The following CDC25B variants were observed in gnomAD, a reference collection of about 807,000 sequenced individuals.
The protein encoded by CDC25B is cell division cycle 25B.
Under a neutral mutation model 69.8 loss-of-function variants are expected in CDC25B, and 33 were observed. That is an observed-to-expected ratio of 0.47 (90% CI 0.36 to 0.63). The LOEUF (loss-of-function observed/expected upper bound fraction) is 0.63, where lower values mean the gene tolerates loss of function less well. Ranked by LOEUF, CDC25B falls within the 30% of genes least tolerant of loss-of-function variation. CDC25B has a pLI of 0.00. For missense variants in CDC25B, 727 were observed against 809.1 expected (o/e 0.90, Z 1.23); for synonymous variants, 341 against 314.6 (o/e 1.08, Z -0.89).
At chr20:3,795,883 T>C, upstream of CDC25B, 1 of 985,564 alleles carries the variant, frequency 1.0e-6, no homozygotes, top group Non-Finnish European at 1.2e-6. Flanking sequence ...CGTCCAGGTC[T>C]GTAAAATGGG....
chr20:3,796,238 T>C (rs1457937750), upstream of CDC25B: 1 of 1,196,364 alleles, frequency 8.4e-7, no homozygotes, highest in Non-Finnish European at 1.0e-6. Flanking sequence ...CGCTACCCCA[T>C]TGGTGGCGTC....
intron 1 of CDC25B, among the ~76,000 whole-genome samples, chr20:3,789,046 C>T (rs2088871275): frequency 6.6e-6 from 1 of 152,196 alleles, no homozygotes; most frequent in African/African-American, 2.4e-5. Context: ...GTGCACGGGG[C>T]CCATTTCCAT....
At chr20:3,801,412 C>G in intron 8 of CDC25B, 24 bp downstream of exon 8, 1 of 1,574,796 alleles carries the variant, frequency 6.4e-7, no homozygotes, top group Non-Finnish European at 8.6e-7. Flanking sequence ...TCCCACCAGG[C>G]CCCTACCTTC....
chr20:3,798,519 C>A, intron 3 of CDC25B, 56 bp downstream of exon 3: 1 of 1,359,196 alleles, frequency 7.4e-7, no homozygotes, highest in South Asian at 1.3e-5. Flanking sequence ...CTTTAAGAAT[C>A]CTAGTTCTAC....
chr20:3,800,673 T>C (rs1037966855), intron 5 of CDC25B, 70 bp from the exon 6 acceptor site: 3 of 1,598,804 alleles, frequency 1.9e-6, no homozygotes, highest in South Asian at 1.1e-5. Context: ...GTGGAGAAGG[T>C]AGGGCCTGGG....
chr20:3,798,550 C>T, intron 3 of CDC25B, 87 bp downstream of exon 3: 2 of 1,120,932 alleles, frequency 1.8e-6, no homozygotes. Context: ...CCCGGGAGGC[C>T]TGGGAAAGCA....
Position 3,796,479 on chromosome 20 carries a change from G to A in CDC25B, c.-53G>A, listed in dbSNP as rs1444541133. On this transcript the variant is annotated 5_prime_UTR_variant, in exon 1 of 16. Coordinates refer to ENST00000245960, the MANE Select transcript of CDC25B (RefSeq NM_021873.4). ...GGCCCAGCCAGCTGTGCCGGCGTTT[G>A]TTGGCTGCCCTGCGCCCGGCCCTCC... 5.5e-6 allele frequency: 8 copies of A among 1,445,130 alleles called. No homozygotes were observed. The highest frequency in any genetic ancestry group is 2.6e-5 in the Admixed American group (1 of 38,564). 89.5% of individuals were successfully genotyped at this position (1,445,130 alleles called of 1,614,324 possible).
chr20:3,800,994 A>T lies in CDC25B; in HGVS notation c.606A>T (p.Pro202=). ...KENDGFVFKM[P]WKPTHPSSTH... is the part of the protein sequence containing the mutation. ...AGGATGGATTTGTCTTCAAGATGCC[A>T]TGGAAGCCCACACATCCCAGCTCCA... The change falls in exon 7 of 16, where the codon CCA becomes CCT. Residue 202 remains proline (P), a synonymous_variant. Transcript: ENST00000245960. The T allele has an allele frequency of 1.2e-6, 2 of 1,614,048 alleles. No homozygotes were observed. The highest frequency in any genetic ancestry group is 1.7e-6 in the Non-Finnish European group (2 of 1,179,900).
In CDC25B at chr20:3,796,429, C is replaced by CAA. The variant is rs908596904; in HGVS notation, c.-103_-102insAA. On this transcript the variant is annotated 5_prime_UTR_variant, in exon 1 of 16. Coordinates refer to ENST00000245960, the MANE Select transcript of CDC25B (RefSeq NM_021873.4). Reference sequence around the variant, plus strand: ...CCTCCCTCCCTCCTTCCCCCCCCCCCCACCCCTCGCCCGCTGCCTCCCTCG... The same window carrying CAA: ...CCTCCCTCCCTCCTTCCCCCCCCCCCAACACCCCTCGCCCGCTGCCTCCCTCG... The CAA allele has an allele frequency of 3.3e-5, 11 of 329,150 alleles. No homozygotes were observed. The highest frequency in any genetic ancestry group is 4.9e-5 in the Non-Finnish European group (11 of 222,970). 20.4% of individuals were successfully genotyped at this position (329,150 alleles called of 1,614,324 possible).
intron 3 of CDC25B, among the ~76,000 whole-genome samples, chr20:3,799,350 A>C (rs886204492): frequency 5.3e-5 from 8 of 152,134 alleles, no homozygotes; most frequent in African/African-American, 1.9e-4. Flanking sequence ...GTGCAAGCCA[A>C]TGAAATTGGT....
Position 3,797,657 on chromosome 20 carries a change from TCCGCAG to T in CDC25B, c.247_252del (p.Ser83_Arg84del). 1.5e-5 allele frequency: 25 copies of T among 1,613,970 alleles called. No individual in the cohort carries two copies. The East Asian group carries it at 1.8e-4, about 12-fold the overall frequency. ...AAGAGTCAGGTAGGGACCCTGCTCT[TCCGCAG>T]CCGCAGCCGCCTGACGCACCTATCC... On this transcript the variant is annotated inframe_deletion, in exon 2 of 16. Transcript: ENST00000245960.
Position 3,796,612 on chromosome 20 carries a change from C to A in CDC25B, c.81C>A (p.Gly27=). The A allele has an allele frequency of 1.4e-6, 2 of 1,442,768 alleles. No individual in the cohort carries two copies. Among genetic ancestry groups the A allele is most frequent in the Non-Finnish European group, 1.8e-6 (2 of 1,102,470 alleles). 89.4% of individuals were successfully genotyped at this position (1,442,768 alleles called of 1,614,324 possible). Reference sequence around the variant, plus strand: ...TGTGCGGTGGCGCCCAGCGTCCGGGCCACCTCCCGGGCCTCCTGCTGGGAT... The same window carrying A: ...TGTGCGGTGGCGCCCAGCGTCCGGGACACCTCCCGGGCCTCCTGCTGGGAT... The part of the protein sequence containing the change: ...AGVCGGAQRP[G]HLPGLLLGSH... The change falls in exon 1 of 16, where the codon GGC becomes GGA. Residue 27 remains glycine, a synonymous_variant. Transcript: ENST00000245960.
chr20:3,799,613 T>A (rs2089202990), intron 3 of CDC25B, among the ~76,000 whole-genome samples: 1 of 151,586 alleles, frequency 6.6e-6, no homozygotes, highest in Non-Finnish European at 1.5e-5. Context: ...AGAGGGAACA[T>A]GTGTTGGAAT....
At chr20:3,792,570 C>T (rs1394108995), upstream of CDC25B, among the ~76,000 whole-genome samples, 1 of 152,020 alleles carries the variant, frequency 6.6e-6, no homozygotes, top group Non-Finnish European at 1.5e-5. Context: ...CAGGTTCAAG[C>T]GATTCTCCTG....
chr20:3,788,266 G>A (rs1207464681), intron 1 of CDC25B, among the ~76,000 whole-genome samples: 1 of 152,230 alleles, frequency 6.6e-6, no homozygotes, highest in Non-Finnish European at 1.5e-5. Flanking sequence ...ACTCACTGCT[G>A]TTTTAGTGCA....
intron 3 of CDC25B, among the ~76,000 whole-genome samples, chr20:3,799,103 C>T (rs1274808040): frequency 1.3e-5 from 2 of 152,190 alleles, no homozygotes; most frequent in Non-Finnish European, 2.9e-5. Flanking sequence ...GCCCAAGCAG[C>T]GGGGCAGCTG....
In CDC25B at chr20:3,801,771, T is replaced by G. The variant is rs1273041674; in HGVS notation, c.890T>G (p.Leu297Arg). Residue 297 changes from leucine (L) to arginine (R), a missense_variant, in exon 9 of 16, where the codon CTG becomes CGG. Around this residue, in one of 2 missense-constraint regions of CDC25B, gnomAD observed 359 missense variants for 463.4 expected, o/e 0.77. Coordinates refer to ENST00000245960, the MANE Select transcript of CDC25B (RefSeq NM_021873.4). The part of the protein sequence containing the change: ...PGMESLISAP[L>R]VKTLEKEEEK... ...ATGGAGAGTCTCATTAGTGCCCCACTGGTCAAGACCTTGGAAAAGGAAGAG... is the reference window on the plus strand; with the variant it reads ...ATGGAGAGTCTCATTAGTGCCCCACGGGTCAAGACCTTGGAAAAGGAAGAG... The G allele has an allele frequency of 2.5e-6, 4 of 1,606,704 alleles. No homozygotes were observed. Among genetic ancestry groups the G allele is most frequent in the Non-Finnish European group, 3.4e-6 (4 of 1,177,234 alleles).
At chr20:3,790,028 T>C (rs1003996711) in intron 1 of CDC25B, among the ~76,000 whole-genome samples, 2 of 151,526 alleles carry the variant, frequency 1.3e-5, no homozygotes, top group Non-Finnish European at 2.9e-5. Flanking sequence ...GCCTTGCGCC[T>C]GTAGTCCTAG....
Position 3,796,615 on chromosome 20 carries a change from C to T in CDC25B, c.84C>T (p.His28=), listed in dbSNP as rs1342478735. The stretch of plus-strand genomic sequence containing the variant: ...GCGGTGGCGCCCAGCGTCCGGGCCA[C>T]CTCCCGGGCCTCCTGCTGGGATCTC... ...GVCGGAQRPG[H]LPGLLLGSHG... is the part of the protein sequence containing the mutation. Residue 28 remains histidine (H), a synonymous_variant, in exon 1 of 16, where the codon CAC becomes CAT. Transcript: ENST00000245960. 1.4e-6 allele frequency: 2 copies of T among 1,444,000 alleles called. No homozygotes were observed. The highest frequency in any genetic ancestry group is 1.4e-5 in the South Asian group (1 of 70,272). 89.4% of individuals were successfully genotyped at this position (1,444,000 alleles called of 1,614,324 possible).
Sources: gnomAD v4.1 joint callset for allele counts (sites outside exome capture counted in the v4.1 genomes callset) on GRCh38, gnomAD v4.1.1 for gene constraint, gnomAD v4.1.1 regional missense constraint, MANE v1.5 for transcripts, NCBI Gene and HGNC (gene_info 2026-07-23, HGNC 2026-07-21) for gene names.